Variants in A2ML1 observed in about 807,000 individuals in gnomAD.
The protein encoded by A2ML1 is alpha-2-macroglobulin like 1.
In A2ML1, 161 loss-of-function variants were observed where a neutral mutation model predicts 181.9. The observed-to-expected ratio is 0.89, with a 90% CI of 0.78 to 1.01. The LOEUF is 1.01. Among genes scored for constraint, A2ML1 ranks in the 50% least tolerant of loss-of-function variants. The pLI, the probability that A2ML1 is intolerant of heterozygous loss-of-function variation, is 0.00. For synonymous variants in A2ML1, 663 were observed against 666.8 expected (o/e 0.99, Z 0.09); for missense variants, 1,670 against 1,768.1 (o/e 0.94, Z 1.00).
chr12:8,824,422 CAA>C (rs1942861406), intron 3 of A2ML1, among the ~76,000 whole-genome samples: 1 of 151,640 alleles, frequency 6.6e-6, no homozygotes, highest in South Asian at 2.1e-4. Flanking sequence ...TACACACACA[CAA>C]TGTGTAATCA....
intron 33 of A2ML1, 85 bp downstream of exon 33, chr12:8,869,288 C>G: frequency 7.3e-7 from 1 of 1,375,966 alleles, no homozygotes; most frequent in Non-Finnish European, 1.0e-6. Flanking sequence ...ACGGGTGTCA[C>G]ACACATGGGG....
Position 8,841,539 on chromosome 12 carries a change from A to G in A2ML1, c.1248+3A>G, listed in dbSNP as rs1264501028. 1 of 1,606,524 alleles carries G rather than the reference A, an allele frequency of 6.2e-7. No homozygotes were observed. On this transcript the variant is annotated splice_donor_region_variant and intron_variant, in intron 11 of 35. Coordinates refer to ENST00000299698, the MANE Select transcript of A2ML1 (RefSeq NM_144670.6). Reference sequence around the variant, plus strand: ...ATGGGACAGACGTTTCTCTGGAGGTAAGCATGGACGGAGGACCAGCTTCCT... The same window carrying G: ...ATGGGACAGACGTTTCTCTGGAGGTGAGCATGGACGGAGGACCAGCTTCCT...
chr12:8,835,654 G>A lies in A2ML1; in HGVS notation c.631G>A (p.Val211Met), dbSNP rs757536372. 9.9e-6 allele frequency: 16 copies of A among 1,614,050 alleles called. No individual in the cohort carries two copies. In the East Asian group the frequency reaches 1.1e-4, roughly 11 times the overall value. Residue 211 changes from valine to methionine, a missense_variant, in exon 6 of 36, where the codon GTG becomes ATG. Val to Met is a conservative substitution (Grantham distance 21, BLOSUM62 1). Coordinates refer to ENST00000299698, the MANE Select transcript of A2ML1 (RefSeq NM_144670.6). ...AEGKTFGTFS[V>M]EEYVLPKFKV... ...GGGCAAGACCTTTGGTACTTTCAGT[G>A]TGGAGGAATATGGTAGGTGGGGAAA...
chr12:8,851,801 C>T lies in A2ML1; in HGVS notation c.2252C>T (p.Ala751Val), dbSNP rs61741216. The T allele has an allele frequency of 1.7e-3, 2,765 of 1,614,050 alleles. 53 individuals carry two copies. The African/African-American group carries it at 0.031, about 18-fold the overall frequency. ...TTTCACAGTAACTCGGGGAAGGAGG[C>T]GGTCCACGTCACAGTTCCTGACGCC... Reference protein sequence around the residue: ...LFPIGNSGKEAVHVTVPDAIT... With the variant: ...LFPIGNSGKEVVHVTVPDAIT... Residue 751 changes from alanine (A) to valine (V), a missense_variant, in exon 19 of 36, where the codon GCG (alanine) becomes GTG (valine). Coordinates refer to ENST00000299698, the MANE Select transcript of A2ML1 (RefSeq NM_144670.6).
At chr12:8,884,275 A>C (rs1388267768) in intron 7 of A2ML1, among the ~76,000 whole-genome samples, 1 of 50,768 alleles carries the variant, frequency 2.0e-5, no homozygotes, top group Non-Finnish European at 4.5e-5. Context: ...CCTTTTTTTT[A>C]ACTTTTATTT....
At chr12:8,884,231 G>GTTTTTTTTTTTTTTTTTTTTT (rs796251871) in intron 7 of A2ML1, among the ~76,000 whole-genome samples, 3 of 121,568 alleles carry the variant, frequency 2.5e-5, no homozygotes, top group East Asian at 2.3e-4. Flanking sequence ...TTTATTTTTT[G>GTTTTTTTTTTTTTTTTTTTTT]TTTTTTTTTG....
chr12:8,850,778 C>T (rs1426698422), intron 18 of A2ML1, among the ~76,000 whole-genome samples: 6 of 152,074 alleles, frequency 3.9e-5, no homozygotes, highest in Non-Finnish European at 8.8e-5. Flanking sequence ...TGCTCTGTCA[C>T]CCAGGCTGGA....
At chr12:8,823,055 G>A (rs1357644104) in intron 1 of A2ML1, 127 bp from the exon 2 acceptor site, 1 of 920,052 alleles carries the variant, frequency 1.1e-6, no homozygotes. Flanking sequence ...TAGAAAATGA[G>A]GTGCATAAGG....
intron 4 of A2ML1, chr12:8,830,874 C>T (rs1943089173): frequency 6.6e-6 from 1 of 151,872 alleles, no homozygotes; most frequent in South Asian, 2.1e-4. Context: ...ATATAGATTT[C>T]CTTTTACTTC....
chr12:8,823,278 G>T lies in A2ML1; in HGVS notation c.159G>T (p.Thr53=), dbSNP rs767370461. 25 of 1,614,020 alleles carry T rather than the reference G, an allele frequency of 1.5e-5. 1 individual carries two copies. In the South Asian group the frequency reaches 2.6e-4, roughly 17 times the overall value. Reference sequence around the variant, plus strand: ...CTGGGTACAGTGATGTTAAATTCACGGTTACTCTGGAGACCAAGGACAAGA... The same window carrying T: ...CTGGGTACAGTGATGTTAAATTCACTGTTACTCTGGAGACCAAGGACAAGA... ...LSPGYSDVKF[T]VTLETKDKTQ... is the part of the protein sequence containing the mutation. The change falls in exon 2 of 36, where the codon ACG becomes ACT. Residue 53 remains threonine (T), a synonymous_variant. Transcript: ENST00000299698.
chr12:8,860,751 G>C, intron 26 of A2ML1, 130 bp from the exon 27 acceptor site: 1 of 783,592 alleles, frequency 1.3e-6, no homozygotes, highest in Non-Finnish European at 2.1e-6. Context: ...GTGGAAAAAA[G>C]AGCTTTCTTT....
In A2ML1 at chr12:8,861,222, A is replaced by G. The variant is rs1469715388; in HGVS notation, c.3427A>G (p.Ile1143Val). 5.6e-6 allele frequency: 9 copies of G among 1,613,950 alleles called. No homozygotes were observed. In the Admixed American group the frequency reaches 1.5e-4, roughly 27 times the overall value. ...CTACACACAGGCCCTGTTGGCTTAC[A>G]TTTTCTCCCTGGCTGGGGAAATGGA... ...NLYTQALLAY[I>V]FSLAGEMDIR... Residue 1143 changes from isoleucine to valine, a missense_variant, in exon 28 of 36, where the codon ATT becomes GTT. Transcript: ENST00000299698.
Position 8,851,772 on chromosome 12 carries a change from G to A in A2ML1, c.2235-12G>A, listed in dbSNP as rs757492945. ...CTACCTCTGCCTCATGTTGGTCCTT[G>A]TGTTTTCACAGTAACTCGGGGAAGG... is the stretch of plus-strand genomic sequence containing the variant. On this transcript the variant is annotated splice_polypyrimidine_tract_variant and intron_variant, in intron 18 of 35. Transcript: ENST00000299698. 7.4e-6 allele frequency: 12 copies of A among 1,613,490 alleles called. 1 individual carries two copies. The Middle Eastern group carries it at 1.0e-3, about 138-fold the overall frequency.
rs1340024487 is a variant in A2ML1 at position 8,860,868 on chromosome 12, T to C, written c.3265-13T>C. 6 of 1,613,960 alleles carry C rather than the reference T, an allele frequency of 3.7e-6. No homozygotes were observed. Among genetic ancestry groups the C allele is most frequent in the Non-Finnish European group, 5.1e-6 (6 of 1,179,882 alleles). On this transcript the variant is annotated splice_polypyrimidine_tract_variant and intron_variant, in intron 26 of 35. Transcript: ENST00000299698. ...CTGCTGCCCTGACTCACTGCCTCCC[T>C]GTTTGCCTCTAGGGTGGTGTTGATG...
rs904331803 is a variant in A2ML1, at chr12:8,844,899, C to T, written c.1477-543C>T. The T allele has an allele frequency of 5.1e-5, 49 of 959,074 alleles. No individual in the cohort carries two copies. In the South Asian group the frequency reaches 6.5e-4, roughly 13 times the overall value. The allele number at this position is 959,074 out of a possible 1,614,324, so 59.4% of individuals were successfully genotyped here. ...AACCGACCTTGGAGCCCTGCAGGAG[C>T]GTGGGATGAGAGCCTGCTTGCAAAC... On this transcript the variant is annotated intron_variant, in intron 12 of 35. Transcript: ENST00000299698.
intron 18 of A2ML1, among the ~76,000 whole-genome samples, chr12:8,851,314 T>C (rs933177643): frequency 6.6e-6 from 1 of 151,910 alleles, no homozygotes; most frequent in Non-Finnish European, 1.5e-5. Flanking sequence ...TCCGTATGAG[T>C]GCAGCCTCAC....
intron 11 of A2ML1, among the ~76,000 whole-genome samples, chr12:8,842,743 G>A (rs1943534472): frequency 1.3e-5 from 2 of 149,528 alleles, no homozygotes; most frequent in Admixed American, 1.3e-4. Context: ...GCATGACTCA[G>A]TTACTCAGAA....
At chr12:8,841,667 C>T in intron 11 of A2ML1, 131 bp downstream of exon 11, 5 of 940,122 alleles carry the variant, frequency 5.3e-6, no homozygotes, top group Non-Finnish European at 7.7e-6. Context: ...CCTGCTCTCC[C>T]GTTGACAAAA....
rs1166861018 is a variant in A2ML1, at chr12:8,852,061, T to A, written c.2463+49T>A. ...CAGGTGTCAGCCCTGGAATCACACC[T>A]CCCCCATAAGTTTGTCTCTAAATTG... On this transcript the variant is annotated intron_variant, in intron 19 of 35. Coordinates refer to ENST00000299698, the MANE Select transcript of A2ML1 (RefSeq NM_144670.6). The surrounding 1 kb of genome is among the most constrained non-coding windows in gnomAD (Gnocchi z 4.2). 1 of 1,595,702 alleles carries A rather than the reference T, an allele frequency of 6.3e-7. No individual in the cohort carries two copies. Among genetic ancestry groups the A allele is most frequent in the Non-Finnish European group, 8.6e-7 (1 of 1,165,606 alleles).
Sources: allele counts gnomAD v4.1 joint callset (sites outside exome capture counted in the v4.1 genomes callset), GRCh38; gene constraint gnomAD v4.1.1; non-coding constraint Gnocchi (gnomAD v3.1); transcripts MANE v1.5; gene names NCBI Gene and HGNC (gene_info 2026-07-23, HGNC 2026-07-21).